The following KIAA1328 variants were observed in gnomAD, a reference collection of about 807,000 sequenced individuals.
KIAA1328 encodes protein hinderin.
In KIAA1328, 52 loss-of-function variants were observed where a neutral mutation model predicts 68.1. The observed-to-expected ratio is 0.76, with a 90% CI of 0.61 to 0.96. KIAA1328 has a LOEUF of 0.96. Ranked by LOEUF, KIAA1328 falls within the 40% of genes least tolerant of loss-of-function variation. KIAA1328 has a pLI of 0.00. For synonymous variants in KIAA1328, 232 were observed against 239.4 expected, an observed-to-expected ratio of 0.97 and a Z score of 0.28; for missense variants, 641 against 677.6, an observed-to-expected ratio of 0.95 and a Z score of 0.60.
In KIAA1328 at chr18:36,985,307, A is replaced by G. The variant is rs79019954; in HGVS notation, c.576+25872A>G. Among the ~76,000 whole-genome samples the G allele has an allele frequency of 9.2e-5, 14 of 152,318 alleles. No individual in the cohort carries two copies. In the East Asian group the frequency reaches 2.5e-3, roughly 27 times the overall value. The stretch of plus-strand genomic sequence containing the variant: ...AGGGATAGACCTTGTCTCAAAAAAT[A>G]AAGATTCAGTGCAATTCCAGTCGCA... On this transcript the variant is annotated intron_variant, in intron 6 of 9. Transcript: ENST00000280020.
intron 5 of KIAA1328, among the ~76,000 whole-genome samples, chr18:36,891,005 A>G (rs897702137): frequency 1.3e-5 from 2 of 152,210 alleles, no homozygotes; most frequent in Non-Finnish European, 1.5e-5. Flanking sequence ...TGAATAAACA[A>G]CCAGCCTACT....
Position 37,067,517 on chromosome 18 carries a change from C to T in KIAA1328, c.1204C>T (p.Leu402Phe), listed in dbSNP as rs1055607667. ...ETKLLLKQQQ[L>F]HQSRLDYNCL... The stretch of plus-strand genomic sequence containing the variant: ...AAAGCTTCTTCTAAAACAGCAGCAG[C>T]TTCACCAGTCTCGACTGGATTACAA... Residue 402 changes from leucine to phenylalanine, a missense_variant, in exon 7 of 10, where the codon CTT (leucine) becomes TTT (phenylalanine). Transcript: ENST00000280020. 3 of 1,536,914 alleles carry T rather than the reference C, an allele frequency of 2.0e-6. No individual in the cohort carries two copies. Among genetic ancestry groups the T allele is most frequent in the African/African-American group, 2.7e-5 (2 of 72,772 alleles).
chr18:36,959,336 A>G lies in KIAA1328; in HGVS notation c.477A>G (p.Gln159=). The change falls in exon 6 of 10, where the codon CAA becomes CAG. Residue 159 remains glutamine, a synonymous_variant. Transcript: ENST00000280020. ...TTCAGCTACAGTATAGAGAATGCCAAGAACTTCTAAGCCTGTATCAGAAAT... is the reference window on the plus strand; with the variant it reads ...TTCAGCTACAGTATAGAGAATGCCAGGAACTTCTAAGCCTGTATCAGAAAT... ...EALQLQYREC[Q]ELLSLYQKYL... The G allele has an allele frequency of 1.2e-6, 2 of 1,602,862 alleles. No individual in the cohort carries two copies. Among genetic ancestry groups the G allele is most frequent in the Non-Finnish European group, 1.7e-6 (2 of 1,175,494 alleles).
intron 6 of KIAA1328, among the ~76,000 whole-genome samples, chr18:37,053,859 T>A (rs2055801193): frequency 6.6e-6 from 1 of 151,608 alleles, no homozygotes; most frequent in East Asian, 1.9e-4. Context: ...TTTGGTTGGG[T>A]ACACAGAGCC....
At chr18:37,097,540 T>G (rs1418529610) in intron 7 of KIAA1328, among the ~76,000 whole-genome samples, 1 of 152,160 alleles carries the variant, frequency 6.6e-6, no homozygotes, top group African/African-American at 2.4e-5. Context: ...TGGCTTAGGA[T>G]TGACTTGGTA....
chr18:36,959,471 T>A (rs368481127), intron 6 of KIAA1328, 36 bp downstream of exon 6: 69 of 1,589,534 alleles, frequency 4.3e-5, no homozygotes, highest in Non-Finnish European at 5.7e-5. Context: ...TTGTCTTCAG[T>A]GGATCAGCAA....
intron 6 of KIAA1328, among the ~76,000 whole-genome samples, chr18:37,018,392 A>C (rs1200950375): frequency 6.6e-6 from 1 of 152,060 alleles, no homozygotes; most frequent in African/African-American, 2.4e-5. Context: ...AGCTGCCTTT[A>C]AGATTTTTTT....
intron 6 of KIAA1328, among the ~76,000 whole-genome samples, chr18:37,018,787 AT>A (rs34405983): frequency 0.6 from 89,942 of 151,020 alleles, 28,480 homozygotes; most frequent in East Asian, 0.86. Context: ...GCACTGAATG[AT>A]TTTTTTTTTA....
intron 6 of KIAA1328, among the ~76,000 whole-genome samples, chr18:36,962,787 C>T (rs1350662584): frequency 6.6e-6 from 1 of 152,150 alleles, no homozygotes; most frequent in African/African-American, 2.4e-5. Flanking sequence ...AGAGACACAA[C>T]GTGCCAGAAT....
intron 7 of KIAA1328, among the ~76,000 whole-genome samples, chr18:37,157,843 T>A (rs936997341): frequency 6.6e-6 from 1 of 151,414 alleles, no homozygotes; most frequent in Non-Finnish European, 1.5e-5. Flanking sequence ...ATTACCTCAT[T>A]CTTTTTAATG....
chr18:37,009,738 A>G (rs530678197), intron 6 of KIAA1328, among the ~76,000 whole-genome samples: 16 of 152,318 alleles, frequency 1.1e-4, no homozygotes, highest in Admixed American at 4.6e-4. Context: ...TTATGGATAT[A>G]AGATGGATAG....
At chr18:36,898,427 T>C (rs952708191) in intron 5 of KIAA1328, among the ~76,000 whole-genome samples, 1 of 151,934 alleles carries the variant, frequency 6.6e-6, no homozygotes, top group Non-Finnish European at 1.5e-5. Flanking sequence ...CTTAGCATCA[T>C]GTGTTCTGAC....
intron 4 of KIAA1328, among the ~76,000 whole-genome samples, chr18:36,866,797 GTTTAA>G (rs2047768203): frequency 6.6e-6 from 1 of 152,170 alleles, no homozygotes; most frequent in Admixed American, 6.5e-5. Flanking sequence ...CATGAAAGAT[GTTTAA>G]TTTATATTAA....
chr18:36,921,380 G>A (rs2049915651), intron 5 of KIAA1328, among the ~76,000 whole-genome samples: 1 of 151,862 alleles, frequency 6.6e-6, no homozygotes, highest in South Asian at 2.1e-4. Context: ...ATAAAATTAG[G>A]AGTTATACTT....
chr18:37,124,629 T>C (rs554892970), intron 7 of KIAA1328, among the ~76,000 whole-genome samples: 1 of 152,332 alleles, frequency 6.6e-6, no homozygotes, highest in South Asian at 2.1e-4. Context: ...ATACTTGAAA[T>C]AGAAATCTGA....
At chr18:37,061,342 G>C (rs996784100) in intron 6 of KIAA1328, among the ~76,000 whole-genome samples, 1 of 152,148 alleles carries the variant, frequency 6.6e-6, no homozygotes, top group South Asian at 2.1e-4. Context: ...AGGTGCTATC[G>C]ACTAGAAAGG....
chr18:37,063,249 T>G (rs780427325), intron 6 of KIAA1328, among the ~76,000 whole-genome samples: 30 of 152,180 alleles, frequency 2.0e-4, no homozygotes, highest in African/African-American at 7.2e-4. Context: ...CTGCTCCAGA[T>G]GTTTTTGCCA....
intron 9 of KIAA1328, among the ~76,000 whole-genome samples, chr18:37,219,430 G>A (rs1438425905): frequency 5.9e-5 from 9 of 152,228 alleles, no homozygotes; most frequent in Admixed American, 5.9e-4. Context: ...CCTTCCCCCA[G>A]AGGTGGAGTC....
chr18:36,911,482 C>A (rs1200919316), intron 5 of KIAA1328, among the ~76,000 whole-genome samples: 2 of 152,100 alleles, frequency 1.3e-5, no homozygotes, highest in African/African-American at 2.4e-5. Flanking sequence ...TTTCTATTTT[C>A]TCTTTAGGTT....
Sources: gnomAD v4.1 joint callset for allele counts (sites outside exome capture counted in the v4.1 genomes callset) on GRCh38, gnomAD v4.1.1 for gene constraint, MANE v1.5 for transcripts, NCBI Gene and HGNC (gene_info 2026-07-23, HGNC 2026-07-21) for gene names.